ATAD2: variants seen among roughly 807,000 people sequenced by gnomAD.
ATAD2 encodes the protein ATPase family AAA domain-containing protein 2.
Under a neutral mutation model 168.9 loss-of-function variants are expected in ATAD2, and 62 were observed. The ratio of observed to expected loss-of-function variants is 0.37; its 90% CI spans 0.30 to 0.45. The LOEUF (loss-of-function observed/expected upper bound fraction) is 0.45, where lower values mean the gene tolerates loss of function less well. Among genes scored for constraint, ATAD2 ranks in the 20% least tolerant of loss-of-function variants. The pLI is 1.00. For synonymous variants in ATAD2, 613 were observed against 571.6 expected, an observed-to-expected ratio of 1.07 and a Z score of -1.03; for missense variants, 1,419 against 1,667.8, an observed-to-expected ratio of 0.85 and a Z score of 2.60.
chr8:123,321,244 C>T lies in ATAD2; in HGVS notation c.4132-69G>A, dbSNP rs527550617. On this transcript the variant is annotated intron_variant, in intron 27 of 27. Transcript: ENST00000287394. ...AATAAGCTAAAGAAACATTTCATTA[C>T]TTTTTCAGTAAACAACCTTAAGAAT... 2.8e-4 allele frequency: 372 copies of T among 1,322,598 alleles called. No individual in the cohort carries two copies. In the African/African-American group the frequency reaches 4.7e-3, roughly 17 times the overall value. 81.9% of individuals were successfully genotyped at this position (1,322,598 alleles called of 1,614,324 possible).
rs542182931 is a variant in ATAD2 at position 123,361,087 on chromosome 8, C to T, written c.1157+452G>A. On this transcript the variant is annotated intron_variant, in intron 9 of 27. Transcript: ENST00000287394. ...ATTCCATAGCTTTGGGAGGCTGAGGCGGGTGGATAACTTGAGGCCAGTAGT... is the reference window on the plus strand; with the variant it reads ...ATTCCATAGCTTTGGGAGGCTGAGGTGGGTGGATAACTTGAGGCCAGTAGT... 2.2e-3 allele frequency among the ~76,000 whole-genome samples: 337 copies of T among 151,972 alleles called. 1 individual carries two copies. The highest frequency in any genetic ancestry group is 7.3e-3 in the African/African-American group (302 of 41,482).
intron 3 of ATAD2, among the ~76,000 whole-genome samples, chr8:123,372,303 TATA>T (rs534591527): frequency 2.8e-4 from 43 of 152,292 alleles, no homozygotes; most frequent in East Asian, 9.6e-4. Context: ...CACACTAAGC[TATA>T]ATAACAGAGA....
chr8:123,328,505 G>A lies in ATAD2; in HGVS notation c.3553C>T (p.Gln1185Ter). The change falls in exon 25 of 28, where the codon CAG becomes TAG. Residue 1185 changes from glutamine (Q) to a stop codon, truncating the protein, a stop_gained. Coordinates refer to ENST00000287394, the MANE Select transcript of ATAD2 (RefSeq NM_014109.4). LOFTEE classifies it high-confidence loss of function. ...GTIKKRRKISQAKDDSQNAID... is the reference protein window; with the variant it reads ...GTIKKRRKIS The stretch of plus-strand genomic sequence containing the variant: ...GCATTCTGGCTATCATCCTTTGCCT[G>A]TGAAATCTTCCTTCGCTTTTTTATG... The A allele has an allele frequency of 6.3e-7, 1 of 1,595,766 alleles. No homozygotes were observed. Among genetic ancestry groups the A allele is most frequent in the Non-Finnish European group, 8.5e-7 (1 of 1,173,140 alleles).
intron 8 of ATAD2, among the ~76,000 whole-genome samples, chr8:123,368,491 A>T (rs539744604): frequency 6.6e-6 from 1 of 152,198 alleles, no homozygotes; most frequent in Admixed American, 6.5e-5. Context: ...AATTTGACCA[A>T]TGAACAACTG....
In ATAD2 at chr8:123,369,162, C is replaced by G. The variant is rs147061044; in HGVS notation, c.945G>C (p.Gln315His). 5 of 1,534,626 alleles carry G rather than the reference C, an allele frequency of 3.3e-6. No homozygotes were observed. Among genetic ancestry groups the G allele is most frequent in the Non-Finnish European group, 4.4e-6 (5 of 1,131,810 alleles). The change falls in exon 8 of 28, where the codon CAG becomes CAC. Residue 315 changes from glutamine to histidine, a missense_variant. By Grantham distance (24) the Gln-to-His change is conservative. This residue lies in a region of ATAD2 where 419 missense variants were observed against 423.5 expected (regional missense o/e 0.99). Transcript: ENST00000287394. ...CACTATAAAATATGTTGGGCTTTCT[C>G]TGGTGACGAGGTTCTAAAAAAAAGA... ...YQAPLEKPRH[Q>H]RKPNIFYSGP...
chr8:123,380,728 A>G (rs545235716), intron 1 of ATAD2, 51 bp from the exon 2 acceptor site: 2 of 1,563,270 alleles, frequency 1.3e-6, no homozygotes, highest in Non-Finnish European at 1.7e-6. Flanking sequence ...CAAAACTCCA[A>G]TTTAAATTCC....
chr8:123,346,807 T>C, intron 16 of ATAD2, 57 bp from the exon 17 acceptor site: 3 of 1,471,194 alleles, frequency 2.0e-6, no homozygotes, highest in Non-Finnish European at 2.8e-6. Flanking sequence ...CAAATCTTTA[T>C]TGCTTCAGTT....
intron 15 of ATAD2, 47 bp from the exon 16 acceptor site, chr8:123,347,453 A>T (rs769177907): frequency 6.7e-7 from 1 of 1,493,740 alleles, no homozygotes; most frequent in South Asian, 1.3e-5. Context: ...GACCAAACAA[A>T]GAAACACAAA....
At chr8:123,384,545 G>T (rs1050932994) in intron 1 of ATAD2, among the ~76,000 whole-genome samples, 2 of 152,242 alleles carry the variant, frequency 1.3e-5, no homozygotes, top group Admixed American at 1.3e-4. Flanking sequence ...AGAATGGAGG[G>T]GCTCCCTTTG....
At chr8:123,356,830 C>T (rs575370708) in intron 12 of ATAD2, among the ~76,000 whole-genome samples, 4 of 151,564 alleles carry the variant, frequency 2.6e-5, no homozygotes, top group South Asian at 2.1e-4. Context: ...GTTCTAGTAA[C>T]GGGGTTTTAA....
At chr8:123,339,586 G>A (rs1378673313) in intron 19 of ATAD2, 140 bp from the exon 20 acceptor site, 1 of 782,504 alleles carries the variant, frequency 1.3e-6, no homozygotes, top group African/African-American at 1.8e-5. Flanking sequence ...TAACAATCGG[G>A]TTATGTCCAA....
chr8:123,325,349 C>G (rs1827583450), intron 26 of ATAD2, among the ~76,000 whole-genome samples: 1 of 151,654 alleles, frequency 6.6e-6, no homozygotes, highest in Non-Finnish European at 1.5e-5. Flanking sequence ...GTGGCACAAC[C>G]TCGGCTCACT....
At chr8:123,407,439 A>G (rs1384134580) in intron 1 of ATAD2, among the ~76,000 whole-genome samples, 1 of 152,184 alleles carries the variant, frequency 6.6e-6, no homozygotes, top group African/African-American at 2.4e-5. Flanking sequence ...ATAAGGCAGT[A>G]GAGGCTGGGT....
upstream of ATAD2, among the ~76,000 whole-genome samples, chr8:123,398,179 C>T (rs1370438946): frequency 3.3e-5 from 5 of 149,890 alleles, no homozygotes; most frequent in Non-Finnish European, 4.4e-5. Context: ...ATCTGAACTT[C>T]GCATTTAACT....
rs2131269102 is a variant in ATAD2 at position 123,322,961 on chromosome 8, G to A, written c.4108C>T (p.His1370Tyr). ...SQCIYRHRKD[H>Y]DKTSLIQKME... ...ACCTGAATAAGTGATGTTTTATCATGGTCCTTGCGATGCCGATAAATACAT... is the reference window on the plus strand; with the variant it reads ...ACCTGAATAAGTGATGTTTTATCATAGTCCTTGCGATGCCGATAAATACAT... The change falls in exon 27 of 28, where the codon CAT (histidine) becomes TAT (tyrosine). Residue 1370 changes from histidine (H) to tyrosine (Y), a missense_variant. Physicochemically the swap from His to Tyr is moderately conservative, Grantham distance 83. This residue lies in a region of ATAD2 where 303 missense variants were observed against 304.3 expected (regional missense o/e 1.00). Transcript: ENST00000287394. 6.2e-7 allele frequency: 1 copy of A among 1,613,544 alleles called. No individual in the cohort carries two copies. Among genetic ancestry groups the A allele is most frequent in the Non-Finnish European group, 8.5e-7 (1 of 1,179,776 alleles).
chr8:123,339,273 C>A, intron 20 of ATAD2, 38 bp downstream of exon 20: 1 of 1,445,446 alleles, frequency 6.9e-7, no homozygotes, highest in South Asian at 1.3e-5. Context: ...CCTACTTTCT[C>A]AAAATTATTA....
chr8:123,389,830 G>C (rs539004808), intron 1 of ATAD2, among the ~76,000 whole-genome samples: 9 of 147,634 alleles, frequency 6.1e-5, no homozygotes, highest in Admixed American at 2.8e-4. Flanking sequence ...TTAGTATATG[G>C]ATACTAGATA....
chr8:123,353,023 T>C (rs960161234), intron 13 of ATAD2, among the ~76,000 whole-genome samples: 5 of 151,834 alleles, frequency 3.3e-5, no homozygotes, highest in East Asian at 3.9e-4. Context: ...GTTGTGATCA[T>C]GCTACTGCAC....
rs932000836 is a variant in ATAD2 at position 123,396,412 on chromosome 8, C to G, written c.-55G>C. 3.2e-5 allele frequency: 47 copies of G among 1,464,544 alleles called. No individual in the cohort carries two copies. The highest frequency in any genetic ancestry group is 4.7e-5 in the Admixed American group (2 of 42,260). The allele number at this position is 1,464,544 out of a possible 1,614,324, so 90.7% of individuals were successfully genotyped here. ...GACCGGAGAGAGATCCAGCTCCAGG[C>G]GCTCGCAGCTCTGGCTCTTCCGCGC... On this transcript the variant is annotated 5_prime_UTR_variant, in exon 1 of 28. Transcript: ENST00000287394.
Sources: gnomAD v4.1 joint callset for allele counts (sites outside exome capture counted in the v4.1 genomes callset) on GRCh38, gnomAD v4.1.1 for gene constraint, gnomAD v4.1.1 regional missense constraint, MANE v1.5 for transcripts, NCBI Gene and HGNC (gene_info 2026-07-23, HGNC 2026-07-21) for gene names.